The following COX11 variants were observed in gnomAD, a reference collection of about 807,000 sequenced individuals.
COX11 encodes the protein cytochrome c oxidase assembly protein COX11, mitochondrial.
COX11 carries 18 observed loss-of-function variants against 29.4 expected under a neutral mutation model. That is an observed-to-expected ratio of 0.61 (90% CI 0.42 to 0.91). COX11 has a LOEUF of 0.91. Ranked by LOEUF, COX11 falls within the 40% of genes least tolerant of loss-of-function variation. The pLI is 0.00. For synonymous variants in COX11, 131 were observed against 124.0 expected (o/e 1.06, Z -0.38); for missense variants, 312 against 346.0 (o/e 0.90, Z 0.78).
chr17:54,953,601 T>C (rs1278053823), exon 1 of COX11: 1 of 152,274 alleles, frequency 6.6e-6, no homozygotes, highest in Non-Finnish European at 1.5e-5. Flanking sequence ...AGTAAGCATA[T>C]TGTTTGGGCC....
intron 1 of COX11, 135 bp downstream of exon 1, chr17:54,968,146 C>T (rs1238173593): frequency 3.6e-6 from 5 of 1,384,378 alleles, no homozygotes; most frequent in Middle Eastern, 2.7e-4. Context: ...CTGTTTTGAA[C>T]CTCTCTCCTC....
At chr17:54,953,384 C>A (rs1272897317) in exon 1 of COX11, 1 of 152,286 alleles carries the variant, frequency 6.6e-6, no homozygotes, top group Non-Finnish European at 1.5e-5. Context: ...AAAAAAAATC[C>A]AACTGGTTGC....
intron 1 of COX11, 106 bp from the exon 2 acceptor site, chr17:54,964,958 C>T: frequency 9.0e-7 from 1 of 1,105,498 alleles, no homozygotes; most frequent in South Asian, 1.5e-5. Context: ...CATTTGGAGC[C>T]AAGTTTACAT....
chr17:54,968,705 C>CG, upstream of COX11: 2 of 1,548,454 alleles, frequency 1.3e-6, no homozygotes, highest in Middle Eastern at 1.7e-4. Flanking sequence ...TCTCGCGAGG[C>CG]GTGCTCCGTC....
At chr17:54,962,976 T>C in intron 3 of COX11, 61 bp from the exon 4 acceptor site, 3 of 1,407,658 alleles carry the variant, frequency 2.1e-6, no homozygotes, top group Admixed American at 3.8e-5. Flanking sequence ...ACAGAAACTA[T>C]ACAGTTCTTT....
Position 54,960,723 on chromosome 17 carries a change from C to T in COX11, c.*2010G>A, listed in dbSNP as rs2077099761. On this transcript the variant is annotated 3_prime_UTR_variant, in exon 4 of 4. Transcript: ENST00000299335. The stretch of plus-strand genomic sequence containing the variant: ...TTTAGTATTTAAATTTTCTAAGGGC[C>T]ATCTGAGTCTGACACTTTGAAATAT... The T allele has an allele frequency of 1.1e-6, 1 of 895,798 alleles. No individual in the cohort carries two copies. 55.5% of individuals were successfully genotyped at this position (895,798 alleles called of 1,614,324 possible). A position where few individuals can be genotyped will look rare whatever the true frequency, so the allele number is the denominator to read the frequency against.
At chr17:54,967,042 G>GCGCGCGCGCACACACACA (rs1310473186) in intron 1 of COX11, among the ~76,000 whole-genome samples, 1 of 96,040 alleles carries the variant, frequency 1.0e-5, no homozygotes, top group African/African-American at 3.0e-5. Flanking sequence ...GCGCGCGCGC[G>GCGCGCGCGCACACACACA]CACACACACA....
intron 1 of COX11, among the ~76,000 whole-genome samples, chr17:54,965,190 TC>T: frequency 1.3e-5 from 2 of 152,316 alleles, no homozygotes; most frequent in Middle Eastern, 6.8e-3. Context: ...AAAACACATT[TC>T]CCTTTATTGC....
intron 2 of COX11, chr17:54,964,450 C>T (rs572410118): frequency 5.3e-5 from 23 of 435,734 alleles, no homozygotes; most frequent in South Asian, 4.4e-4. Flanking sequence ...AAAATACTGA[C>T]GGGTTCCATT....
chr17:54,964,018 CCTATAAAAT>C (rs2077177409), intron 2 of COX11, among the ~76,000 whole-genome samples: 1 of 152,052 alleles, frequency 6.6e-6, no homozygotes, highest in Admixed American at 6.5e-5. Context: ...ATAATCATAA[CCTATAAAAT>C]CTTTATTAAG....
chr17:54,968,383 C>T lies in COX11; in HGVS notation c.264G>A (p.Arg88=). The T allele has an allele frequency of 6.2e-7, 1 of 1,613,202 alleles. No individual in the cohort carries two copies. Among genetic ancestry groups the T allele is most frequent in the South Asian group, 1.1e-5 (1 of 91,084 alleles). Residue 88 remains arginine, a synonymous_variant, in exon 1 of 4, where the codon CGG becomes CGA. Transcript: ENST00000299335. ...NPFTRAQEEE[R]RRQNKTTLTY... Reference sequence around the variant, plus strand: ...TGAGGGTCGTCTTGTTCTGCCGCCGCCGCTCCTCCTCCTGCGCGCGTGTGA... The same window carrying T: ...TGAGGGTCGTCTTGTTCTGCCGCCGTCGCTCCTCCTCCTGCGCGCGTGTGA...
downstream of COX11, chr17:54,957,350 A>C (rs1283815993): frequency 6.6e-6 from 1 of 152,176 alleles, no homozygotes; most frequent in Admixed American, 6.5e-5. Context: ...GATAGAGTAG[A>C]TATATCACTG....
chr17:54,952,619 C>T (rs2143989891), exon 1 of COX11: 1 of 151,810 alleles, frequency 6.6e-6, no homozygotes, highest in East Asian at 1.9e-4. Context: ...CATGGACCTT[C>T]CTAATGTTAA....
intron 2 of COX11, chr17:54,964,480 C>A: frequency 2.0e-6 from 1 of 511,758 alleles, no homozygotes; most frequent in Non-Finnish European, 3.4e-6. Flanking sequence ...TTTTTTATTC[C>A]CATAGACTAC....
intron 3 of COX11, 88 bp from the exon 4 acceptor site, chr17:54,963,003 T>TAC: frequency 8.6e-7 from 1 of 1,169,330 alleles, no homozygotes; most frequent in Non-Finnish European, 1.2e-6. Context: ...AGCATTCCAG[T>TAC]ACACTTCGTG....
At chr17:54,956,601 G>T (rs116901735), downstream of COX11, among the ~76,000 whole-genome samples, 1,125 of 152,084 alleles carry the variant, frequency 7.4e-3, 7 homozygotes, top group Non-Finnish European at 0.01. Context: ...AAGCCACCGT[G>T]CCTAGCCTTT....
At chr17:54,964,296 G>A (rs568013597) in intron 2 of COX11, among the ~76,000 whole-genome samples, 4 of 152,254 alleles carry the variant, frequency 2.6e-5, no homozygotes, top group Middle Eastern at 6.8e-3. Context: ...GGATACTTTT[G>A]ATATAAACCA....
rs1250577486 is a variant in COX11, at chr17:54,964,740, G to C, written c.479C>G (p.Ala160Gly). Residue 160 changes from alanine to glycine, a missense_variant, in exon 2 of 4, where the codon GCA (alanine) becomes GGA (glycine). Physicochemically the swap from Ala to Gly is moderately conservative, Grantham distance 60. Coordinates refer to ENST00000299335, the MANE Select transcript of COX11 (RefSeq NM_004375.5). ...IKISFNADVH[A>G]SLQWNFRPQQ... ...AGGTCTAAAGTTCCACTGGAGACTT[G>C]CATGCACATCTGCATTAAAGCTAAT... 34 of 1,613,844 alleles carry C rather than the reference G, an allele frequency of 2.1e-5. No homozygotes were observed. Among genetic ancestry groups the C allele is most frequent in the Non-Finnish European group, 2.9e-5 (34 of 1,179,924 alleles).
At chr17:54,964,383 A>G (rs1368534439) in intron 2 of COX11, 2 of 281,838 alleles carry the variant, frequency 7.1e-6, no homozygotes, top group South Asian at 4.1e-5. Context: ...TCAGGAAGCT[A>G]TATAGCCTGA....
Sources: allele counts gnomAD v4.1 joint callset (sites outside exome capture counted in the v4.1 genomes callset), GRCh38; gene constraint gnomAD v4.1.1; transcripts MANE v1.5; gene names NCBI Gene and HGNC (gene_info 2026-07-23, HGNC 2026-07-21).